STAB2: variants seen among roughly 807,000 people sequenced by gnomAD.
The protein encoded by STAB2 is stabilin-2.
In STAB2, 288 loss-of-function variants were observed where a neutral mutation model predicts 338.1. That is an observed-to-expected ratio of 0.85 (90% CI 0.77 to 0.94). The LOEUF is 0.94. Among genes scored for constraint, STAB2 ranks in the 40% least tolerant of loss-of-function variants. The pLI, the probability that STAB2 is intolerant of heterozygous loss-of-function variation, is 0.00. For synonymous variants in STAB2, 1,202 were observed against 1,193.3 expected, an observed-to-expected ratio of 1.01 and a Z score of -0.15; for missense variants, 3,141 against 3,210.1, an observed-to-expected ratio of 0.98 and a Z score of 0.52.
Position 103,740,629 on chromosome 12 carries a change from G to C in STAB2, c.5755-1G>C, listed in dbSNP as rs570260501. 5.8e-5 allele frequency: 94 copies of C among 1,611,692 alleles called. 2 individuals are homozygous for C. The South Asian group carries it at 9.5e-4, about 16-fold the overall frequency. ...AGGGATGGTCCACTCTCTTCCCTTA[G>C]GGTGTGAAGCAGAAGTGTCTCTACA... On this transcript the variant is annotated splice_acceptor_variant, in intron 54 of 68. Coordinates refer to ENST00000388887, the MANE Select transcript of STAB2 (RefSeq NM_017564.10). LOFTEE classifies it high-confidence loss of function.
chr12:103,670,294 A>G (rs1047475773), intron 21 of STAB2, among the ~76,000 whole-genome samples: 6 of 152,172 alleles, frequency 3.9e-5, no homozygotes, highest in African/African-American at 1.2e-4. Context: ...TGCCAGGGCT[A>G]GAGAGGTGGG....
rs368808563 is a variant in STAB2, at chr12:103,637,232, C to T, written c.705C>T (p.Cys235=). 5.7e-5 allele frequency: 91 copies of T among 1,609,170 alleles called. No homozygotes were observed. The highest frequency in any genetic ancestry group is 1.3e-4 in the East Asian group (6 of 44,694). The change falls in exon 7 of 69, where the codon TGC becomes TGT. Residue 235 remains cysteine, a synonymous_variant. Coordinates refer to ENST00000388887, the MANE Select transcript of STAB2 (RefSeq NM_017564.10). ...LPNYRGDGKY[C]DPINPCLRKI... ...ATTACCGAGGCGATGGCAAATACTG[C>T]GACCGTGAGTAGAATTTAGATTCTG... is the stretch of plus-strand genomic sequence containing the variant.
chr12:103,634,636 C>T lies in STAB2; in HGVS notation c.584-2475C>T, dbSNP rs147341088. On this transcript the variant is annotated intron_variant, in intron 6 of 68. Coordinates refer to ENST00000388887, the MANE Select transcript of STAB2 (RefSeq NM_017564.10). ...ATCTTTTCGGTGTTTCTTTTGATGTCGGGATACCATGAAAAAATTATTGGG... is the reference window on the plus strand; with the variant it reads ...ATCTTTTCGGTGTTTCTTTTGATGTTGGGATACCATGAAAAAATTATTGGG... 6.6e-3 allele frequency among the ~76,000 whole-genome samples: 1,004 copies of T among 152,294 alleles called. 13 individuals are homozygous for T. Among genetic ancestry groups the T allele is most frequent in the African/African-American group, 0.023 (964 of 41,560 alleles).
chr12:103,615,202 G>A (rs1957190344), intron 3 of STAB2, among the ~76,000 whole-genome samples: 1 of 152,124 alleles, frequency 6.6e-6, no homozygotes, highest in African/African-American at 2.4e-5. Context: ...TATTAGTCCA[G>A]GGCTTCCAAA....
chr12:103,604,017 A>T (rs924280522), intron 3 of STAB2, among the ~76,000 whole-genome samples: 14 of 152,118 alleles, frequency 9.2e-5, no homozygotes, highest in Non-Finnish European at 1.8e-4. Context: ...CTAATTGTTC[A>T]TTGCTAGTTT....
At chr12:103,763,773 G>A (rs1884713405) in intron 68 of STAB2, 165 bp downstream of exon 68, 1 of 625,894 alleles carries the variant, frequency 1.6e-6, no homozygotes, top group South Asian at 2.2e-5. Context: ...TGAAGCCAGT[G>A]TGGTTGCTCA....
chr12:103,631,349 C>T (rs1213461409), intron 5 of STAB2, among the ~76,000 whole-genome samples: 2 of 151,754 alleles, frequency 1.3e-5, no homozygotes, highest in Non-Finnish European at 2.9e-5. Flanking sequence ...AACTCCAATG[C>T]ACATGATATG....
chr12:103,731,607 G>A lies in STAB2; in HGVS notation c.5255G>A (p.Gly1752Asp), dbSNP rs1312417576. 2 of 1,613,626 alleles carry A rather than the reference G, an allele frequency of 1.2e-6. 1 individual carries two copies. The highest frequency in any genetic ancestry group is 3.3e-5 in the Admixed American group (2 of 59,972). Residue 1752 changes from glycine (G) to aspartate (D), a missense_variant, in exon 50 of 69, where the codon GGC becomes GAC. Transcript: ENST00000388887. The stretch of plus-strand genomic sequence containing the variant: ...CTTACGACTTTGGCAACAAACAATG[G>A]CTACATCAAATTTAGCAACTTAATA... ...QNLTTLATNN[G>D]YIKFSNLIQD...
intron 24 of STAB2, among the ~76,000 whole-genome samples, chr12:103,676,920 C>G (rs2138843740): frequency 6.6e-6 from 1 of 152,310 alleles, no homozygotes; most frequent in South Asian, 2.1e-4. Flanking sequence ...CTACAGATTC[C>G]TTTGATTCCC....
rs1010675685 is a variant in STAB2 at position 103,766,495 on chromosome 12, G to C, written c.*159G>C. ...ATCTGGGGGTTGTTTCTGTGGGTGA[G>C]AGATGTGTTGCTGTGCCCACCCAGT... On this transcript the variant is annotated 3_prime_UTR_variant, in exon 69 of 69. Transcript: ENST00000388887. 41 of 813,846 alleles carry C rather than the reference G, an allele frequency of 5.0e-5. No homozygotes were observed. The highest frequency in any genetic ancestry group is 7.2e-5 in the Non-Finnish European group (38 of 529,396). The allele number at this position is 813,846 out of a possible 1,614,324, so 50.4% of individuals were successfully genotyped here.
At chr12:103,606,595 G>A (rs543324837) in intron 3 of STAB2, among the ~76,000 whole-genome samples, 138 of 152,130 alleles carry the variant, frequency 9.1e-4, no homozygotes, top group Non-Finnish European at 1.4e-3. Context: ...CTTTGTTTTT[G>A]AAAGATATTG....
At chr12:103,614,604 T>A (rs1008136849) in intron 3 of STAB2, among the ~76,000 whole-genome samples, 4 of 152,208 alleles carry the variant, frequency 2.6e-5, no homozygotes, top group African/African-American at 9.7e-5. Context: ...TCTAGGCAAG[T>A]CTTGTTCCAG....
chr12:103,698,903 G>A (rs1878626044), intron 33 of STAB2, among the ~76,000 whole-genome samples, 193 bp from the exon 34 acceptor site: 2 of 152,126 alleles, frequency 1.3e-5, no homozygotes, highest in Non-Finnish European at 2.9e-5. Context: ...TGGAAAATTT[G>A]TAAGTTCTCT....
Position 103,610,826 on chromosome 12 carries a change from G to A in STAB2, c.332-9642G>A, listed in dbSNP as rs549479593. ...TCCTGCTTTCTCTTGTTGGCATTTA[G>A]TGCTATAAATTTCCCTCTACACACT... On this transcript the variant is annotated intron_variant, in intron 3 of 68. Transcript: ENST00000388887. 3.1e-3 allele frequency among the ~76,000 whole-genome samples: 478 copies of A among 152,276 alleles called. 1 individual carries two copies. Among genetic ancestry groups the A allele is most frequent in the Non-Finnish European group, 5.4e-3 (368 of 68,016 alleles).
intron 24 of STAB2, 67 bp downstream of exon 24, chr12:103,676,088 GTC>G: frequency 9.3e-7 from 1 of 1,078,034 alleles, no homozygotes; most frequent in Non-Finnish European, 1.3e-6. Flanking sequence ...TTGAGACAGA[GTC>G]TCGCTCTGTC....
rs913261671 is a variant in STAB2 at position 103,647,422 on chromosome 12, A to C, written c.1041-1268A>C. Reference sequence around the variant, plus strand: ...TGTGAGCACTGCAAAACTGTGATGTAGTCACAGCACATCTTTTGTTCCCTG... The same window carrying C: ...TGTGAGCACTGCAAAACTGTGATGTCGTCACAGCACATCTTTTGTTCCCTG... On this transcript the variant is annotated intron_variant, in intron 9 of 68. Coordinates refer to ENST00000388887, the MANE Select transcript of STAB2 (RefSeq NM_017564.10). Among the ~76,000 whole-genome samples, 8 of 152,174 alleles carry C rather than the reference A, an allele frequency of 5.3e-5. No individual in the cohort carries two copies. The South Asian group carries it at 8.3e-4, about 16-fold the overall frequency.
At chr12:103,592,692 C>G (rs1266074963) in intron 2 of STAB2, among the ~76,000 whole-genome samples, 1 of 152,168 alleles carries the variant, frequency 6.6e-6, no homozygotes, top group Non-Finnish European at 1.5e-5. Flanking sequence ...TTTCTCCCCC[C>G]TCTTTTTTGT....
At chr12:103,642,026 C>T (rs703624) in intron 9 of STAB2, among the ~76,000 whole-genome samples, 69,651 of 152,038 alleles carry the variant, frequency 0.46, 16,653 homozygotes, top group Non-Finnish European at 0.54. Flanking sequence ...ACCACCTGAT[C>T]GAGAAGGGTG....
chr12:103,617,168 T>C (rs1403003951), intron 3 of STAB2, among the ~76,000 whole-genome samples: 1 of 152,200 alleles, frequency 6.6e-6, no homozygotes, highest in East Asian at 1.9e-4. Context: ...TCTCTTCCCC[T>C]GACAACCCTT....
Sources: allele counts gnomAD v4.1 joint callset (sites outside exome capture counted in the v4.1 genomes callset), GRCh38; gene constraint gnomAD v4.1.1; transcripts MANE v1.5; gene names NCBI Gene and HGNC (gene_info 2026-07-23, HGNC 2026-07-21).